SRGAP2C: variants seen among roughly 807,000 people sequenced by gnomAD.
SRGAP2C encodes the protein SLIT-ROBO Rho GTPase-activating protein 2C.
A neutral mutation model predicts 25.1 loss-of-function variants in SRGAP2C; 15 were observed. The ratio of observed to expected loss-of-function variants is 0.60; its 90% CI spans 0.40 to 0.92. The LOEUF is 0.92. Among genes scored for constraint, SRGAP2C ranks in the 40% least tolerant of loss-of-function variants. The pLI, the probability that SRGAP2C is intolerant of heterozygous loss-of-function variation, is 0.00. For synonymous variants in SRGAP2C, 44 were observed against 96.6 expected (o/e 0.46, Z 3.19); for missense variants, 144 against 264.4 (o/e 0.54, Z 3.16).
chr1:121,374,689 A>G (rs1410177927), intron 6 of SRGAP2C, 137 bp from the exon 7 acceptor site: 3 of 611,922 alleles, frequency 4.9e-6, no homozygotes, highest in Admixed American at 2.8e-5. Context: ...AAACAGAATT[A>G]GAACCCAATT....
chr1:121,267,251 C>A (rs1459095437), intron 2 of SRGAP2C, among the ~76,000 whole-genome samples: 1 of 150,860 alleles, frequency 6.6e-6, no homozygotes. Flanking sequence ...TGGAGTGCAG[C>A]GGTGTGATCT....
chr1:121,270,322 C>T (rs1656911188), intron 2 of SRGAP2C, among the ~76,000 whole-genome samples: 1 of 151,638 alleles, frequency 6.6e-6, no homozygotes, highest in Admixed American at 6.6e-5. Context: ...AAGTCTGAGA[C>T]CAATCTGGGT....
chr1:121,279,524 A>G (rs1340378305), intron 2 of SRGAP2C, among the ~76,000 whole-genome samples: 2 of 151,676 alleles, frequency 1.3e-5, no homozygotes, highest in African/African-American at 4.8e-5. Flanking sequence ...TTTTTGTTAA[A>G]TGATCAGTAT....
At chr1:121,277,375 G>T (rs1416284423) in intron 2 of SRGAP2C, among the ~76,000 whole-genome samples, 4 of 151,742 alleles carry the variant, frequency 2.6e-5, no homozygotes, top group South Asian at 2.1e-4. Flanking sequence ...AGGCAAAGTG[G>T]TTTTTTTGTT....
intron 2 of SRGAP2C, among the ~76,000 whole-genome samples, chr1:121,234,949 CT>C (rs1415722716): frequency 6.6e-6 from 1 of 151,802 alleles, no homozygotes; most frequent in African/African-American, 2.4e-5. Context: ...ATTCTTTTCT[CT>C]TTTCTTTTCT....
At chr1:121,303,447 T>G (rs1222107544) in intron 3 of SRGAP2C, among the ~76,000 whole-genome samples, 2 of 152,170 alleles carry the variant, frequency 1.3e-5, no homozygotes, top group African/African-American at 2.4e-5. Flanking sequence ...CTTTGAGCAC[T>G]TCCTTACTTT....
At chr1:121,216,796 C>A in intron 2 of SRGAP2C, among the ~76,000 whole-genome samples, 1 of 78,124 alleles carries the variant, frequency 1.3e-5, no homozygotes, top group Non-Finnish European at 2.5e-5. Context: ...CAGGAAATCT[C>A]AACCGCCTAG....
chr1:121,196,363 A>G (rs587730204), intron 2 of SRGAP2C, among the ~76,000 whole-genome samples: 1 of 79,470 alleles, frequency 1.3e-5, no homozygotes, highest in South Asian at 3.0e-4. Flanking sequence ...TTGCTTCCTT[A>G]ATTGCTCTGA....
chr1:121,375,031 T>C (rs1191800927), intron 7 of SRGAP2C, 77 bp downstream of exon 7: 1 of 705,100 alleles, frequency 1.4e-6, no homozygotes, highest in East Asian at 2.6e-5. Flanking sequence ...CCCGATACTA[T>C]TGTTCAGGAA....
At chr1:121,233,125 G>T (rs1655859671) in intron 2 of SRGAP2C, among the ~76,000 whole-genome samples, 1 of 136,942 alleles carries the variant, frequency 7.3e-6, no homozygotes, top group Non-Finnish European at 1.6e-5. Context: ...GAGGTGGCAA[G>T]AGGGATCTCC....
chr1:121,368,581 T>C (rs1234881345), intron 5 of SRGAP2C, among the ~76,000 whole-genome samples: 31 of 151,960 alleles, frequency 2.0e-4, no homozygotes, highest in Non-Finnish European at 5.9e-5. Context: ...ACTGGAAAAG[T>C]TCGAGGTTAA....
chr1:121,339,744 C>G (rs1290299085), intron 4 of SRGAP2C, among the ~76,000 whole-genome samples: 2 of 95,890 alleles, frequency 2.1e-5, no homozygotes. Context: ...GCTGCTTTCC[C>G]TTTTTCTTCC....
At chr1:121,323,615 C>CAAAA (rs1163708332) in intron 3 of SRGAP2C, among the ~76,000 whole-genome samples, 1 of 28,168 alleles carries the variant, frequency 3.6e-5, no homozygotes, top group African/African-American at 1.7e-4. Flanking sequence ...GACTTTGTCT[C>CAAAA]AAAAAAAAAA....
At chr1:121,309,409 C>A (rs1444473780) in intron 3 of SRGAP2C, among the ~76,000 whole-genome samples, 2 of 135,692 alleles carry the variant, frequency 1.5e-5, no homozygotes, top group Non-Finnish European at 3.2e-5. Flanking sequence ...AGCACTACAA[C>A]TACACTGAAT....
intron 2 of SRGAP2C, among the ~76,000 whole-genome samples, chr1:121,190,095 C>T (rs587771956): frequency 6.6e-6 from 1 of 152,136 alleles, no homozygotes; most frequent in South Asian, 2.1e-4. Context: ...GGAAGCTGGG[C>T]TCTCTATGGA....
At chr1:121,231,649 G>A (rs1441193661) in intron 2 of SRGAP2C, among the ~76,000 whole-genome samples, 1 of 151,446 alleles carries the variant, frequency 6.6e-6, no homozygotes. Flanking sequence ...GGGATCTGGG[G>A]GACTGTTTGG....
intron 3 of SRGAP2C, among the ~76,000 whole-genome samples, chr1:121,287,694 G>C (rs1475183683): frequency 6.6e-6 from 1 of 152,192 alleles, no homozygotes; most frequent in Non-Finnish European, 1.5e-5. Context: ...ATGAGGCCGC[G>C]GACCCTCGCG....
intron 2 of SRGAP2C, among the ~76,000 whole-genome samples, chr1:121,237,432 T>A (rs1458061921): frequency 2.0e-5 from 3 of 152,170 alleles, no homozygotes; most frequent in African/African-American, 7.2e-5. Flanking sequence ...AGAGTGGTCA[T>A]TCAGGACTGT....
chr1:121,321,680 T>G (rs1488975900), intron 3 of SRGAP2C, among the ~76,000 whole-genome samples: 1 of 150,620 alleles, frequency 6.6e-6, no homozygotes, highest in Non-Finnish European at 1.5e-5. Context: ...GTGCTGGGAT[T>G]GCAGGCGTGA....
Sources: allele counts gnomAD v4.1 joint callset (sites outside exome capture counted in the v4.1 genomes callset), GRCh38; gene constraint gnomAD v4.1.1; transcripts MANE v1.5; gene names NCBI Gene and HGNC (gene_info 2026-07-23, HGNC 2026-07-21).